WASHC5: variants seen among roughly 807,000 people sequenced by gnomAD.
The protein encoded by WASHC5 is WASH complex subunit strumpellin.
A neutral mutation model predicts 150.4 loss-of-function variants in WASHC5; 101 were observed. The ratio of observed to expected loss-of-function variants is 0.67; its 90% CI spans 0.57 to 0.79. The LOEUF (loss-of-function observed/expected upper bound fraction) is 0.79. Among genes scored for constraint, WASHC5 ranks in the 30% least tolerant of loss-of-function variants. WASHC5 has a pLI of 0.00. For missense variants in WASHC5, 1,195 were observed against 1,396.3 expected (o/e 0.86, Z 2.30); for synonymous variants, 467 against 491.2 (o/e 0.95, Z 0.65).
At chr8:125,037,445 C>T in intron 25 of WASHC5, 112 bp from the exon 26 acceptor site, 1 of 744,742 alleles carries the variant, frequency 1.3e-6, no homozygotes, top group Non-Finnish European at 2.4e-6. Context: ...CTTTGGCTTT[C>T]CTGAAATGTG....
At position 125,060,895 on chromosome 8, in the gene WASHC5, C is replaced by A. The variant is rs114187201; in HGVS notation, c.1521+187G>T. On this transcript the variant is annotated intron_variant, in intron 12 of 28. Transcript: ENST00000318410. ...CAATATCGTAATTTTTGCTACCATT[C>A]TCTTCATACTAGTTATTTATTTCCC... 2.9e-3 allele frequency among the ~76,000 whole-genome samples: 444 copies of A among 152,226 alleles called. 4 individuals carry two copies. Among genetic ancestry groups the A allele is most frequent in the African/African-American group, 0.01 (421 of 41,546 alleles).
At chr8:125,033,736 A>AT (rs1235568745) in intron 26 of WASHC5, among the ~76,000 whole-genome samples, 11 of 152,108 alleles carry the variant, frequency 7.2e-5, no homozygotes, top group African/African-American at 2.6e-4. Flanking sequence ...TTTAGTAGAG[A>AT]CGGGTTTCAC....
rs1817010707 is a variant in WASHC5 at position 125,075,007 on chromosome 8, G to A, written c.969C>T (p.Val323=). Residue 323 remains valine (V), a synonymous_variant, in exon 8 of 29, where the codon GTC becomes GTT. Coordinates refer to ENST00000318410, the MANE Select transcript of WASHC5 (RefSeq NM_014846.4). The stretch of plus-strand genomic sequence containing the variant: ...CCAGATTAGAACCTACCTGTTCTCT[G>A]ACATTTGAAAGGTCCAGGGTATTAT... ...ALNNTLDLSN[V]REQASRYATV... is the part of the protein sequence containing the mutation. 2 of 1,602,792 alleles carry A rather than the reference G, an allele frequency of 1.2e-6. No individual in the cohort carries two copies. The highest frequency in any genetic ancestry group is 1.3e-5 in the African/African-American group (1 of 74,650).
chr8:125,031,265 G>A (rs1815526880), intron 27 of WASHC5, among the ~76,000 whole-genome samples: 1 of 152,040 alleles, frequency 6.6e-6, no homozygotes, highest in African/African-American at 2.4e-5. Flanking sequence ...GGACTTAGAA[G>A]ATCACTTTGG....
intron 18 of WASHC5, among the ~76,000 whole-genome samples, chr8:125,049,550 T>TTGTCTCAATCAATCAATCAGTC (rs1374041143): frequency 2.0e-5 from 3 of 150,372 alleles, no homozygotes; most frequent in Non-Finnish European, 1.5e-5. Context: ...GAGCAAGACT[T>TTGTCTCAATCAATCAATCAGTC]AATCTTAAAA....
chr8:125,084,036 A>G lies in WASHC5; in HGVS notation c.-124-14T>C, dbSNP rs1383890355. ...CCATTAAAGAACCTGTATCCCCAAAAAAAGTGTGAAAATCTCAATTTGTTT... is the reference window on the plus strand; with the variant it reads ...CCATTAAAGAACCTGTATCCCCAAAGAAAGTGTGAAAATCTCAATTTGTTT... On this transcript the variant is annotated splice_polypyrimidine_tract_variant and intron_variant, in intron 1 of 28. Coordinates refer to ENST00000318410, the MANE Select transcript of WASHC5 (RefSeq NM_014846.4). The G allele has an allele frequency of 1.8e-5, 14 of 783,272 alleles. No homozygotes were observed. The East Asian group carries it at 3.5e-4, about 20-fold the overall frequency. The allele number at this position is 783,272 out of a possible 1,614,324, so 48.5% of individuals were successfully genotyped here.
Position 125,049,116 on chromosome 8 carries a change from A to G in WASHC5, c.2269T>C (p.Tyr757His). 6.2e-7 allele frequency: 1 copy of G among 1,614,026 alleles called. No homozygotes were observed. The highest frequency in any genetic ancestry group is 8.5e-7 in the Non-Finnish European group (1 of 1,179,972). The change falls in exon 19 of 29, where the codon TAC becomes CAC. Residue 757 changes from tyrosine (Y) to histidine (H), a missense_variant. Physicochemically the swap from Tyr to His is moderately conservative, Grantham distance 83 (BLOSUM62 2). This residue lies in a region of WASHC5 where 997 missense variants were observed against 1,168.1 expected (regional missense o/e 0.85). Coordinates refer to ENST00000318410, the MANE Select transcript of WASHC5 (RefSeq NM_014846.4). ...TMDGFHRSFE[Y>H]IQDYVNIYGL... ...TAAATGTTGACATAGTCCTGTATGT[A>G]TTCAAAAGAACGATGGAATCCATCC...
chr8:125,085,561 A>G (rs1222229975), intron 1 of WASHC5, among the ~76,000 whole-genome samples: 1 of 152,192 alleles, frequency 6.6e-6, no homozygotes, highest in Non-Finnish European at 1.5e-5. Context: ...AAACCAACCA[A>G]CCAACAAAAC....
rs529821374 is a variant in WASHC5, at chr8:125,078,722, T to C, written c.711+16A>G. The C allele has an allele frequency of 1.3e-4, 203 of 1,593,366 alleles. 1 individual carries two copies. The South Asian group carries it at 1.9e-3, about 15-fold the overall frequency. ...GTTAAACTGTCTTAATAGGTCTTAA[T>C]AGATTTAATTCCCACCTGGTTGTAA... is the stretch of plus-strand genomic sequence containing the variant. On this transcript the variant is annotated intron_variant, in intron 6 of 28. Coordinates refer to ENST00000318410, the MANE Select transcript of WASHC5 (RefSeq NM_014846.4).
chr8:125,028,714 T>G lies in WASHC5; in HGVS notation c.3336-7A>C, dbSNP rs756567314. On this transcript the variant is annotated splice_polypyrimidine_tract_variant and splice_region_variant and intron_variant, in intron 27 of 28. Coordinates refer to ENST00000318410, the MANE Select transcript of WASHC5 (RefSeq NM_014846.4). ...AATTTCAGGTATCTTCTGGCTGTGA[T>G]AGAGAACAGTTTAGATCAATTAACT... 1.2e-6 allele frequency: 2 copies of G among 1,604,482 alleles called. No homozygotes were observed. Among genetic ancestry groups the G allele is most frequent in the East Asian group, 4.5e-5 (2 of 44,816 alleles).
chr8:125,084,731 T>C (rs1454639673), intron 1 of WASHC5, among the ~76,000 whole-genome samples: 4 of 152,246 alleles, frequency 2.6e-5, no homozygotes, highest in Non-Finnish European at 5.9e-5. Flanking sequence ...CAAGGATTGA[T>C]CTTTACCCAA....
intron 10 of WASHC5, among the ~76,000 whole-genome samples, chr8:125,066,080 T>C (rs16900329): frequency 0.026 from 4,002 of 152,306 alleles, 184 homozygotes; most frequent in African/African-American, 0.092. Flanking sequence ...TAGGGACACA[T>C]TTTGTTCATA....
chr8:125,079,538 T>C (rs1359814507), intron 5 of WASHC5, among the ~76,000 whole-genome samples: 4 of 152,126 alleles, frequency 2.6e-5, no homozygotes, highest in Admixed American at 6.5e-5. Flanking sequence ...GTATTCATAC[T>C]ATGTAAAGGT....
chr8:125,025,155 G>GA (rs1815341028), intron 28 of WASHC5, among the ~76,000 whole-genome samples: 1 of 152,084 alleles, frequency 6.6e-6, no homozygotes, highest in Non-Finnish European at 1.5e-5. Flanking sequence ...AACTGTTCTT[G>GA]GGCAAAGCCC....
At chr8:125,024,928 T>TG (rs1363618678) in intron 28 of WASHC5, among the ~76,000 whole-genome samples, 1 of 151,984 alleles carries the variant, frequency 6.6e-6, no homozygotes, top group African/African-American at 2.4e-5. Context: ...TCTTGGCTCT[T>TG]AAAGGTACCT....
At chr8:125,087,842 G>T (rs1459923812) in intron 1 of WASHC5, among the ~76,000 whole-genome samples, 1 of 151,874 alleles carries the variant, frequency 6.6e-6, no homozygotes, top group Admixed American at 6.6e-5. Flanking sequence ...ACAGAAAAAT[G>T]TTTCATAAAA....
At chr8:125,081,565 T>TG in intron 5 of WASHC5, 96 bp downstream of exon 5, 1 of 796,320 alleles carries the variant, frequency 1.3e-6, no homozygotes, top group South Asian at 1.3e-5. Context: ...TATCTATTCT[T>TG]GGATTACTGC....
In WASHC5 at chr8:125,076,466, G is replaced by C. The variant is rs1817063934; in HGVS notation, c.746C>G (p.Thr249Arg). The C allele has an allele frequency of 3.7e-6, 6 of 1,613,932 alleles. No individual in the cohort carries two copies. The African/African-American group carries it at 4.0e-5, about 11-fold the overall frequency. Reference protein sequence around the residue: ...SAYPLPEHRSTALANQAAMLY... With the variant: ...SAYPLPEHRSRALANQAAMLY... ...CATGGCAGCTTGGTTTGCCAGGGCT[G>C]TGCTGCGATGCTCCGGCAAAGGATA... Residue 249 changes from threonine to arginine, a missense_variant, in exon 7 of 29, where the codon ACA (threonine) becomes AGA (arginine). Physicochemically the swap from Thr to Arg is moderately conservative, Grantham distance 71 (BLOSUM62 -1). Transcript: ENST00000318410.
intron 25 of WASHC5, among the ~76,000 whole-genome samples, chr8:125,038,515 C>T (rs929867291): frequency 2.0e-5 from 3 of 152,214 alleles, no homozygotes; most frequent in African/African-American, 4.8e-5. Flanking sequence ...CAGATCAATG[C>T]TACCATTTTG....
Sources: gnomAD v4.1 joint callset for allele counts (sites outside exome capture counted in the v4.1 genomes callset) on GRCh38, gnomAD v4.1.1 for gene constraint, gnomAD v4.1.1 regional missense constraint, MANE v1.5 for transcripts, NCBI Gene and HGNC (gene_info 2026-07-23, HGNC 2026-07-21) for gene names.